DSCAML1: variants seen among roughly 807,000 people sequenced by gnomAD.
The protein encoded by DSCAML1 is cell adhesion molecule DSCAML1.
Under a neutral mutation model 200.5 loss-of-function variants are expected in DSCAML1, and 38 were observed. That is an observed-to-expected ratio of 0.19 (90% CI 0.15 to 0.25). DSCAML1 has a LOEUF of 0.25. Among genes scored for constraint, DSCAML1 ranks in the 10% least tolerant of loss-of-function variants. The pLI, the probability that DSCAML1 is intolerant of heterozygous loss-of-function variation, is 1.00. For synonymous variants in DSCAML1, 1,215 were observed against 1,165.0 expected (o/e 1.04, Z -0.87); for missense variants, 2,223 against 2,858.8 (o/e 0.78, Z 5.07).
At chr11:117,523,728 G>A (rs2049920922) in intron 5 of DSCAML1, among the ~76,000 whole-genome samples, 1 of 152,210 alleles carries the variant, frequency 6.6e-6, no homozygotes, top group Non-Finnish European at 1.5e-5. Context: ...CAGCCCTACT[G>A]CCCTATGCTC....
intron 17 of DSCAML1, among the ~76,000 whole-genome samples, chr11:117,464,657 G>A (rs2048543603): frequency 6.6e-6 from 1 of 152,182 alleles, no homozygotes; most frequent in Non-Finnish European, 1.5e-5. Context: ...TGGATGGGGA[G>A]ACAGGTGGAC....
At chr11:117,664,086 G>A (rs1259758127) in intron 3 of DSCAML1, among the ~76,000 whole-genome samples, 4 of 152,224 alleles carry the variant, frequency 2.6e-5, no homozygotes, top group African/African-American at 9.7e-5. Context: ...TGGGAAGAGA[G>A]AGGGCGTAGT....
intron 3 of DSCAML1, among the ~76,000 whole-genome samples, chr11:117,538,309 G>A (rs558259052): frequency 1.9e-4 from 29 of 152,366 alleles, no homozygotes; most frequent in African/African-American, 7.0e-4. Flanking sequence ...AAAAGAAATA[G>A]AACTGATGTC....
At chr11:117,676,640 G>A (rs1000415894) in intron 3 of DSCAML1, among the ~76,000 whole-genome samples, 1 of 152,228 alleles carries the variant, frequency 6.6e-6, no homozygotes, top group Admixed American at 6.5e-5. Flanking sequence ...ATCACAGGTG[G>A]CCAGGGAGGG....
chr11:117,751,311 TA>T (rs1013692790), intron 3 of DSCAML1, among the ~76,000 whole-genome samples: 59 of 150,602 alleles, frequency 3.9e-4, no homozygotes, highest in African/African-American at 1.3e-3. Context: ...TATGCTCCCT[TA>T]AAAAAAAATC....
chr11:117,672,121 A>AAAAAAAAAAAAAAAAAAAAAAAAAAG (rs1555196996), intron 3 of DSCAML1, among the ~76,000 whole-genome samples: 1 of 147,474 alleles, frequency 6.8e-6, no homozygotes, highest in African/African-American at 2.5e-5. Flanking sequence ...AAAAAAAAAA[A>AAAAAAAAAAAAAAAAAAAAAAAAAAG]AAGAAGAAAC....
At chr11:117,445,820 G>A (rs1277043959) in intron 20 of DSCAML1, among the ~76,000 whole-genome samples, 1 of 152,178 alleles carries the variant, frequency 6.6e-6, no homozygotes, top group Non-Finnish European at 1.5e-5. Context: ...ATCCAACCCA[G>A]ATACTGGGCG....
chr11:117,780,928 C>A lies in DSCAML1; in HGVS notation c.47-118G>T. On this transcript the variant is annotated intron_variant, in intron 1 of 32. Transcript: ENST00000651296. This position sits in a 1 kb window ranked among gnomAD's most constrained non-coding sequence, Gnocchi z 4.8. ...ACCTGACCTTCAAGCATCAGTCATT[C>A]AGTATGCACTTATTGAGCACTGACT... The A allele has an allele frequency of 1.3e-6, 1 of 758,128 alleles. No homozygotes were observed. The highest frequency in any genetic ancestry group is 3.1e-5 in the South Asian group (1 of 32,274). 47.0% of individuals were successfully genotyped at this position (758,128 alleles called of 1,614,324 possible). A position where few individuals can be genotyped will look rare whatever the true frequency, so the allele number is the denominator to read the frequency against.
intron 3 of DSCAML1, among the ~76,000 whole-genome samples, chr11:117,722,762 G>C (rs2226634): frequency 0.01 from 1,530 of 152,252 alleles, 24 homozygotes; most frequent in African/African-American, 0.034. Context: ...TGTGGATTCA[G>C]GCTGAGGTGT....
At chr11:117,778,470 C>A (rs1315812695) in intron 2 of DSCAML1, among the ~76,000 whole-genome samples, 1 of 152,206 alleles carries the variant, frequency 6.6e-6, no homozygotes, top group Non-Finnish European at 1.5e-5. Flanking sequence ...ACTGTGTGAT[C>A]CTGGACAAGG....
chr11:117,663,311 C>T (rs186148121), intron 3 of DSCAML1, among the ~76,000 whole-genome samples: 134 of 152,294 alleles, frequency 8.8e-4, no homozygotes, highest in Non-Finnish European at 1.6e-3. Context: ...TTTGCTCCCA[C>T]CTTTCCCCCA....
At chr11:117,650,090 G>GC (rs543142194) in intron 3 of DSCAML1, among the ~76,000 whole-genome samples, 292 of 152,330 alleles carry the variant, frequency 1.9e-3, no homozygotes, top group African/African-American at 6.5e-3. Context: ...AGGGACTAGA[G>GC]CTGTGGTCCC....
chr11:117,677,476 G>A (rs1055760247), intron 3 of DSCAML1, among the ~76,000 whole-genome samples: 1 of 152,138 alleles, frequency 6.6e-6, no homozygotes, highest in Admixed American at 6.5e-5. Flanking sequence ...GGAGGGAGCA[G>A]GGGGCAGGGA....
At chr11:117,688,081 G>A (rs1476809819) in intron 3 of DSCAML1, among the ~76,000 whole-genome samples, 1 of 152,254 alleles carries the variant, frequency 6.6e-6, no homozygotes, top group Non-Finnish European at 1.5e-5. Flanking sequence ...GATGATGGGT[G>A]AGGAGAGAAT....
intron 21 of DSCAML1, among the ~76,000 whole-genome samples, chr11:117,440,143 C>T (rs2048013181): frequency 6.6e-6 from 1 of 152,186 alleles, no homozygotes; most frequent in Non-Finnish European, 1.5e-5. Context: ...CAGTTATGGT[C>T]AGGATCACAA....
intron 3 of DSCAML1, among the ~76,000 whole-genome samples, chr11:117,582,082 G>T (rs2051049321): frequency 6.6e-6 from 1 of 152,210 alleles, no homozygotes; most frequent in African/African-American, 2.4e-5. Flanking sequence ...GAGGACACAG[G>T]AATGAGTTCA....
chr11:117,469,942 C>G lies in DSCAML1; in HGVS notation c.2992G>C (p.Val998Leu). The G allele has an allele frequency of 6.2e-7, 1 of 1,608,862 alleles. No homozygotes were observed. Among genetic ancestry groups the G allele is most frequent in the Non-Finnish European group, 8.5e-7 (1 of 1,176,604 alleles). ...GTCACCTGGATGCTCTGTGAGGTCA[C>G]TGGCTGCAAGGTAACATCCATGGGG... is the stretch of plus-strand genomic sequence containing the variant. ...GPPMDVTLQP[V>L]TSQSIQVTWK... Residue 998 changes from valine to leucine, a missense_variant, in exon 16 of 33, where the codon GTG (valine) becomes CTG (leucine). By Grantham distance (32) the Val-to-Leu change is conservative. Around this residue, in one of 7 missense-constraint regions of DSCAML1, gnomAD observed 438 missense variants for 629.7 expected, o/e 0.70. Coordinates refer to ENST00000651296, the MANE Select transcript of DSCAML1 (RefSeq NM_020693.4). The surrounding 1 kb of genome is among the most constrained non-coding windows in gnomAD (Gnocchi z 4.1).
At chr11:117,492,488 G>T (rs1169957893) in intron 11 of DSCAML1, among the ~76,000 whole-genome samples, 1 of 152,204 alleles carries the variant, frequency 6.6e-6, no homozygotes, top group African/African-American at 2.4e-5. Flanking sequence ...TTGTCAGGGA[G>T]CAGGGAGCCC....
chr11:117,780,645 G>T lies in DSCAML1; in HGVS notation c.212C>A (p.Pro71Gln). ...GTTGGCGTGGACGTGCCGGATGTGC[G>T]GCACGTCGTAGATGTCGTCCCCTGT... ...LATGDDIYDV[P>Q]HIRHVHANGT... Residue 71 changes from proline to glutamine, a missense_variant, in exon 2 of 33, where the codon CCG (proline) becomes CAG (glutamine). Pro to Gln is a moderately conservative substitution (Grantham distance 76). This residue lies in a region of DSCAML1 where 579 missense variants were observed against 721.5 expected (regional missense o/e 0.80). Transcript: ENST00000651296. This position sits in a 1 kb window ranked among gnomAD's most constrained non-coding sequence, Gnocchi z 4.8. 6.3e-7 allele frequency: 1 copy of T among 1,589,370 alleles called. No homozygotes were observed. Among genetic ancestry groups the T allele is most frequent in the Non-Finnish European group, 8.6e-7 (1 of 1,166,860 alleles).
Sources: allele counts gnomAD v4.1 joint callset (sites outside exome capture counted in the v4.1 genomes callset), GRCh38; gene constraint gnomAD v4.1.1; regional missense constraint gnomAD v4.1.1; non-coding constraint Gnocchi (gnomAD v3.1); transcripts MANE v1.5; gene names NCBI Gene and HGNC (gene_info 2026-07-23, HGNC 2026-07-21).